The following SPON2 variants were observed in gnomAD, a reference collection of about 807,000 sequenced individuals.
SPON2 encodes spondin 2, also known as spondin-2.
In SPON2, 32 loss-of-function variants were observed where a neutral mutation model predicts 29.9. The ratio of observed to expected loss-of-function variants is 1.07; its 90% confidence interval spans 0.81 to 1.44. The LOEUF is 1.44. Ranked by LOEUF, SPON2 falls within the 40% of genes most tolerant of loss-of-function variation. SPON2 has a pLI of 0.00. For synonymous variants in SPON2, 248 were observed against 209.1 expected (o/e 1.19, Z -1.61); for missense variants, 541 against 455.5 (o/e 1.19, Z -1.71).
rs1320958558 is a variant in SPON2 at position 1,185,506 on chromosome 4, C to G, written c.-238-5965G>C. Among the ~76,000 whole-genome samples, 14 of 150,604 alleles carry G rather than the reference C, an allele frequency of 9.3e-5. No homozygotes were observed. In the East Asian group the frequency reaches 2.7e-3, roughly 29 times the overall value. ...GCGGATCACCTGAGGTCGGGAGTTC[C>G]ACACCAGCCTGGCCAACATGGTGAA... On this transcript the variant is annotated intron_variant, in intron 1 of 3. Transcript: ENST00000502483.
At chr4:1,183,340 A>G (rs1727735075) in intron 1 of SPON2, among the ~76,000 whole-genome samples, 3 of 152,218 alleles carry the variant, frequency 2.0e-5, no homozygotes, top group Non-Finnish European at 2.9e-5. Flanking sequence ...CCTGCAAGAA[A>G]TGCTTAAGGA....
intron 1 of SPON2, among the ~76,000 whole-genome samples, chr4:1,205,634 G>A (rs563765360): frequency 4.6e-5 from 7 of 152,308 alleles, no homozygotes; most frequent in South Asian, 2.1e-4. Context: ...CAGTGCCTAC[G>A]GCAGCCTTGG....
Position 1,171,051 on chromosome 4 carries a change from A to C in SPON2, c.584T>G (p.Phe195Cys). Residue 195 changes from phenylalanine to cysteine, a missense_variant, in exon 4 of 6, where the codon TTC becomes TGC. Transcript: ENST00000290902. ...YPYDAGTDSG[F>C]TFSSPNFATI... Reference sequence around the variant, plus strand: ...GGCGAAGTTGGGGGAGGAGAAGGTGAAGCCGCTGTCCGTCCCGGCGTCGTA... The same window carrying C: ...GGCGAAGTTGGGGGAGGAGAAGGTGCAGCCGCTGTCCGTCCCGGCGTCGTA... The C allele has an allele frequency of 6.5e-7, 1 of 1,549,042 alleles. No homozygotes were observed. The highest frequency in any genetic ancestry group is 1.4e-5 in the African/African-American group (1 of 73,074).
In SPON2 at chr4:1,171,154, A is replaced by C. The variant is rs1727426669; in HGVS notation, c.481T>G (p.Trp161Gly). Residue 161 changes from tryptophan to glycine, a missense_variant, in exon 4 of 6, where the codon TGG (tryptophan) becomes GGG (glycine). Trp to Gly is a radical substitution (Grantham distance 184). Coordinates refer to ENST00000290902, the MANE Select transcript of SPON2 (RefSeq NM_012445.4). ...TCCAGGCTGTCCACGCCCACGAACC[A>C]GTCGGGGCTGGGCACGATGCGCACC... Reference protein sequence around the residue: ...FVVRIVPSPDWFVGVDSLDLC... With the variant: ...FVVRIVPSPDGFVGVDSLDLC... The C allele has an allele frequency of 6.4e-7, 1 of 1,552,704 alleles. No individual in the cohort carries two copies. The highest frequency in any genetic ancestry group is 1.4e-5 in the African/African-American group (1 of 73,352).
chr4:1,184,054 T>G (rs1727748670), intron 1 of SPON2, among the ~76,000 whole-genome samples: 1 of 152,188 alleles, frequency 6.6e-6, no homozygotes, highest in Non-Finnish European at 1.5e-5. Context: ...CATGGCTCAG[T>G]GCAGCCTCAG....
upstream of SPON2, chr4:1,195,163 G>T (rs993312366): frequency 6.6e-6 from 1 of 152,270 alleles, no homozygotes; most frequent in African/African-American, 2.4e-5. Context: ...GGGCGCCCCA[G>T]GCAGCTCCTC....
At chr4:1,194,500 A>G (rs1237397636) in intron 1 of SPON2, among the ~76,000 whole-genome samples, 2 of 152,146 alleles carry the variant, frequency 1.3e-5, no homozygotes, top group African/African-American at 4.8e-5. Context: ...GCGGTAGCGC[A>G]GGCCGCAGGC....
chr4:1,193,992 G>A (rs1388198084), intron 1 of SPON2, among the ~76,000 whole-genome samples: 2 of 151,908 alleles, frequency 1.3e-5, no homozygotes, highest in Non-Finnish European at 2.9e-5. Context: ...TTCTTTGGAC[G>A]AGGCTGCCAG....
At chr4:1,192,633 CAA>C (rs1231223420) in intron 1 of SPON2, among the ~76,000 whole-genome samples, 2 of 152,208 alleles carry the variant, frequency 1.3e-5, no homozygotes, top group Non-Finnish European at 1.5e-5. Flanking sequence ...CCGGGGCAAA[CAA>C]AGAGGGACCT....
At position 1,189,760 on chromosome 4, in the gene SPON2, G is replaced by A. The variant is rs570475759; in HGVS notation, c.-239+5230C>T. ...TCCCAGCACTTTGGGAGGCTGAGGC[G>A]GGCGGATCACAAGGTCGGGAGATCG... On this transcript the variant is annotated intron_variant, in intron 1 of 3. Transcript: ENST00000502483. 8.6e-5 allele frequency among the ~76,000 whole-genome samples: 13 copies of A among 151,860 alleles called. No homozygotes were observed. In the East Asian group the frequency reaches 1.2e-3, roughly 14 times the overall value.
At position 1,202,737 on chromosome 4, in the gene SPON2, C is replaced by T. The variant is rs576686802; in HGVS notation, c.-234+5143G>A. On this transcript the variant is annotated intron_variant, in intron 1 of 3. Transcript: ENST00000509233. The surrounding 1 kb of genome is among the most constrained non-coding windows in gnomAD (Gnocchi z 5.4). Reference sequence around the variant, plus strand: ...GGACTCCGAGGCAGCTCCAACCCCACGATGAGCCTCTGCCTGGGCCCCAAG... The same window carrying T: ...GGACTCCGAGGCAGCTCCAACCCCATGATGAGCCTCTGCCTGGGCCCCAAG... 1.0e-3 allele frequency among the ~76,000 whole-genome samples: 156 copies of T among 152,326 alleles called. No individual in the cohort carries two copies. Among genetic ancestry groups the T allele is most frequent in the Non-Finnish European group, 1.8e-3 (122 of 68,022 alleles).
At chr4:1,195,237 A>T (rs1027886244), upstream of SPON2, 1 of 152,292 alleles carries the variant, frequency 6.6e-6, no homozygotes, top group South Asian at 2.1e-4. Context: ...CCATGACTCA[A>T]TGTCCCACTC....
In SPON2 at chr4:1,167,499, A is replaced by G; in HGVS notation, c.969T>C (p.Ala323=). 1.9e-6 allele frequency: 3 copies of G among 1,613,754 alleles called. No individual in the cohort carries two copies. Among genetic ancestry groups the G allele is most frequent in the Non-Finnish European group, 2.5e-6 (3 of 1,179,954 alleles). Residue 323 remains alanine, a synonymous_variant, in exon 6 of 6, where the codon GCT becomes GCC. Transcript: ENST00000290902. ...AGACGCAGTTATCAGGGACGCACTC[A>G]GCCTCTTCTTCGAGCTCGGGGCAGG... is the stretch of plus-strand genomic sequence containing the variant. The part of the protein sequence containing the change: ...GSPCPELEEE[A]ECVPDNCV
chr4:1,173,657 A>C (rs1234503722), upstream of SPON2, among the ~76,000 whole-genome samples: 1 of 152,210 alleles, frequency 6.6e-6, no homozygotes, highest in Non-Finnish European at 1.5e-5. Flanking sequence ...GAGGGCTTTT[A>C]AGCTTAGACA....
At chr4:1,176,958 G>A (rs182670344), upstream of SPON2, among the ~76,000 whole-genome samples, 4 of 152,368 alleles carry the variant, frequency 2.6e-5, no homozygotes, top group East Asian at 7.7e-4. Context: ...ACAAAGGAGT[G>A]ACCCCACTAG....
chr4:1,172,148 G>C (rs1338986262), intron 1 of SPON2, 74 bp from the exon 2 acceptor site: 1 of 1,353,502 alleles, frequency 7.4e-7, no homozygotes, highest in Middle Eastern at 2.6e-4. Context: ...CGAGAGGGCT[G>C]CGGCACTTTG....
At chr4:1,196,854 G>A (rs139353580), upstream of SPON2, 1,616 of 152,354 alleles carry the variant, frequency 0.011, 33 homozygotes, top group Middle Eastern at 0.054. Context: ...TCCAGAGAAG[G>A]TACTAGAAGG....
intron 1 of SPON2, among the ~76,000 whole-genome samples, chr4:1,187,692 C>G (rs978372202): frequency 6.6e-6 from 1 of 152,016 alleles, no homozygotes; most frequent in African/African-American, 2.4e-5. Flanking sequence ...AAAAACTTTG[C>G]GCATATATAG....
At chr4:1,171,812 C>G in intron 2 of SPON2, 40 bp downstream of exon 2, 2 of 1,491,526 alleles carry the variant, frequency 1.3e-6, no homozygotes, top group Non-Finnish European at 1.9e-6. Context: ...CGCCGCAGCC[C>G]TCCTGGTGGA....
Sources: gnomAD v4.1 joint callset for allele counts (sites outside exome capture counted in the v4.1 genomes callset) on GRCh38, gnomAD v4.1.1 for gene constraint, Gnocchi (gnomAD v3.1) non-coding constraint, MANE v1.5 for transcripts, NCBI Gene and HGNC (gene_info 2026-07-23, HGNC 2026-07-21) for gene names.